SYT1: variants seen among roughly 807,000 people sequenced by gnomAD.
SYT1 encodes synaptotagmin-1.
Under a neutral mutation model 44.8 loss-of-function variants are expected in SYT1, and 8 were observed. The observed-to-expected ratio is 0.18, with a 90% confidence interval of 0.10 to 0.32. The LOEUF (loss-of-function observed/expected upper bound fraction) is 0.32, where lower values mean the gene tolerates loss of function less well. Ranked by LOEUF, SYT1 falls within the 10% of genes least tolerant of loss-of-function variation. The pLI is 1.00. For synonymous variants in SYT1, 154 were observed against 188.8 expected (o/e 0.82, Z 1.51); for missense variants, 286 against 509.3 (o/e 0.56, Z 4.22).
intron 3 of SYT1, among the ~76,000 whole-genome samples, chr12:79,051,631 A>G (rs149345448): frequency 2.9e-3 from 445 of 152,106 alleles, no homozygotes; most frequent in Non-Finnish European, 5.0e-3. Flanking sequence ...ATCTGCCATC[A>G]GCAACACTTA....
At chr12:79,331,125 G>T (rs1349919601) in intron 8 of SYT1, among the ~76,000 whole-genome samples, 1 of 152,130 alleles carries the variant, frequency 6.6e-6, no homozygotes, top group Non-Finnish European at 1.5e-5. Context: ...AACAGCAACA[G>T]CTTCTTTCAG....
chr12:79,137,026 TA>T (rs1423256824), intron 3 of SYT1, among the ~76,000 whole-genome samples: 1 of 152,126 alleles, frequency 6.6e-6, no homozygotes, highest in African/African-American at 2.4e-5. Context: ...AACACAATAA[TA>T]AAAACAGTTA....
At chr12:79,233,308 A>C (rs1033388414) in intron 4 of SYT1, among the ~76,000 whole-genome samples, 3 of 152,222 alleles carry the variant, frequency 2.0e-5, no homozygotes, top group Admixed American at 6.5e-5. Flanking sequence ...TTACATGATG[A>C]TTGTTATCTA....
At chr12:79,326,159 T>C (rs1881600042) in intron 8 of SYT1, among the ~76,000 whole-genome samples, 1 of 152,230 alleles carries the variant, frequency 6.6e-6, no homozygotes, top group Non-Finnish European at 1.5e-5. Flanking sequence ...CTACTCTGAC[T>C]TTTTACAATA....
chr12:79,015,554 A>C (rs1268699822), intron 2 of SYT1, among the ~76,000 whole-genome samples: 1 of 152,220 alleles, frequency 6.6e-6, no homozygotes, highest in Non-Finnish European at 1.5e-5. Flanking sequence ...AATAGCCAGA[A>C]AAATAAAAGT....
intron 9 of SYT1, among the ~76,000 whole-genome samples, chr12:79,426,680 G>A (rs1156437486): frequency 2.0e-5 from 3 of 152,126 alleles, no homozygotes; most frequent in African/African-American, 7.2e-5. Context: ...TAAGCCAAGT[G>A]AAAAAAGTAC....
chr12:78,989,518 T>C (rs561103464), intron 2 of SYT1, among the ~76,000 whole-genome samples: 1 of 152,212 alleles, frequency 6.6e-6, no homozygotes, highest in Admixed American at 6.5e-5. Flanking sequence ...TCAAGCATCA[T>C]ATCCTCCCAT....
chr12:79,146,255 T>A (rs939437128), intron 3 of SYT1, among the ~76,000 whole-genome samples: 8 of 152,154 alleles, frequency 5.3e-5, no homozygotes, highest in African/African-American at 1.9e-4. Context: ...AACACACTAC[T>A]CCGTCCTCAC....
At chr12:79,065,917 A>T (rs1220996308) in intron 3 of SYT1, among the ~76,000 whole-genome samples, 1 of 152,162 alleles carries the variant, frequency 6.6e-6, no homozygotes, top group Non-Finnish European at 1.5e-5. Context: ...AGGGAAGAGG[A>T]AAGTTAGTGC....
intron 3 of SYT1, among the ~76,000 whole-genome samples, chr12:79,202,459 A>G (rs1226589755): frequency 1.3e-5 from 2 of 152,176 alleles, no homozygotes; most frequent in African/African-American, 2.4e-5. Context: ...CCCTAACTTT[A>G]TTAAAGCGTG....
intron 4 of SYT1, among the ~76,000 whole-genome samples, chr12:79,229,304 C>A (rs1030923350): frequency 6.6e-6 from 1 of 152,160 alleles, no homozygotes; most frequent in Non-Finnish European, 1.5e-5. Context: ...GCAAACAGTG[C>A]GGTTCTTGTG....
intron 3 of SYT1, among the ~76,000 whole-genome samples, chr12:79,066,004 A>G (rs760232797): frequency 1.3e-5 from 2 of 152,126 alleles, no homozygotes; most frequent in African/African-American, 4.8e-5. Flanking sequence ...AATGAATTGA[A>G]TTATGAGTCA....
chr12:79,283,747 T>G (rs962759568), intron 4 of SYT1, among the ~76,000 whole-genome samples: 1 of 152,104 alleles, frequency 6.6e-6, no homozygotes, highest in Admixed American at 6.6e-5. Flanking sequence ...ATCTTTACCT[T>G]GTTTAATAAA....
intron 3 of SYT1, among the ~76,000 whole-genome samples, chr12:79,142,087 C>G (rs141133368): frequency 6.6e-4 from 100 of 152,266 alleles, no homozygotes; most frequent in African/African-American, 2.4e-3. Context: ...AAGCATCATG[C>G]AGTAATCCTG....
At chr12:79,199,585 A>G (rs1435568760) in intron 3 of SYT1, among the ~76,000 whole-genome samples, 1 of 152,146 alleles carries the variant, frequency 6.6e-6, no homozygotes, top group African/African-American at 2.4e-5. Flanking sequence ...TTCTGCTATA[A>G]CATGCAAAAC....
chr12:79,159,193 G>A (rs148820006), intron 3 of SYT1, among the ~76,000 whole-genome samples: 102 of 152,298 alleles, frequency 6.7e-4, no homozygotes, highest in African/African-American at 2.1e-3. Context: ...GTAAGGTGGA[G>A]CATAGGCTGG....
chr12:78,940,951 C>T (rs1392691518), intron 1 of SYT1, among the ~76,000 whole-genome samples: 5 of 151,552 alleles, frequency 3.3e-5, no homozygotes, highest in South Asian at 2.1e-4. Flanking sequence ...ATTGAATTGG[C>T]GAAGTTGAAT....
At chr12:78,994,483 C>T (rs1592642602) in intron 2 of SYT1, among the ~76,000 whole-genome samples, 1 of 136,302 alleles carries the variant, frequency 7.3e-6, no homozygotes, top group African/African-American at 2.8e-5. Context: ...TCTTTTTCTT[C>T]TCCTTTTTTT....
intron 10 of SYT1, among the ~76,000 whole-genome samples, chr12:79,447,238 C>A (rs1364615205): frequency 6.6e-6 from 1 of 151,420 alleles, no homozygotes. Flanking sequence ...TTATAGGAGG[C>A]AACTTTTCTA....
Sources: gnomAD v4.1 joint callset for allele counts (sites outside exome capture counted in the v4.1 genomes callset) on GRCh38, gnomAD v4.1.1 for gene constraint, MANE v1.5 for transcripts, NCBI Gene and HGNC (gene_info 2026-07-23, HGNC 2026-07-21) for gene names.